Variants in NHS observed in about 807,000 individuals in gnomAD.
The protein encoded by NHS is actin remodeling regulator NHS.
In NHS, 5 loss-of-function variants were observed where a neutral mutation model predicts 72.5. The observed-to-expected ratio is 0.07, with a 90% CI of 0.04 to 0.14. NHS has a LOEUF of 0.14. NHS is among the 10% of genes least tolerant of loss of function. NHS has a pLI of 1.00. For missense variants in NHS, 1,072 were observed against 1,355.7 expected (o/e 0.79, Z 3.29); for synonymous variants, 464 against 547.7 (o/e 0.85, Z 2.13).
At chrX:17,607,816 A>G (rs2065688760) in intron 1 of NHS, among the ~76,000 whole-genome samples, 2 of 110,423 alleles carry the variant, frequency 1.8e-5, no homozygotes, top group Non-Finnish European at 3.8e-5. Flanking sequence ...TGGCTTCTCT[A>G]GTCGACAGTG....
chrX:17,468,532 A>G lies in NHS; in HGVS notation c.565+92210A>G, dbSNP rs188231360. Reference sequence around the variant, plus strand: ...TCAGCCTCACCAAAAATTCTTTTTCATTTTTTTAAATGTTTATTTATTTAC... The same window carrying G: ...TCAGCCTCACCAAAAATTCTTTTTCGTTTTTTTAAATGTTTATTTATTTAC... On this transcript the variant is annotated intron_variant, in intron 1 of 8. Coordinates refer to ENST00000676302, the MANE Select transcript of NHS (RefSeq NM_001291867.2). Among the ~76,000 whole-genome samples the G allele has an allele frequency of 4.6e-5, 5 of 108,892 alleles. No homozygotes were observed. The East Asian group carries it at 1.4e-3, about 32-fold the overall frequency. The allele number at this position is 108,892 out of a possible 115,157, so 94.6% of individuals were successfully genotyped here. A position where few individuals can be genotyped will look rare whatever the true frequency, so the allele number is the denominator to read the frequency against.
intron 1 of NHS, among the ~76,000 whole-genome samples, chrX:17,412,845 A>T (rs1017105714): frequency 8.9e-6 from 1 of 112,322 alleles, no homozygotes; most frequent in Non-Finnish European, 1.9e-5. Context: ...CCAGAGGGTA[A>T]ATATCTTGAG....
At chrX:17,637,189 C>T (rs925119965) in intron 1 of NHS, among the ~76,000 whole-genome samples, 1 of 111,858 alleles carries the variant, frequency 8.9e-6, no homozygotes, top group Non-Finnish European at 1.9e-5. Context: ...CAGGAGAGAG[C>T]GTCCAACAGC....
chrX:17,624,955 C>T (rs2065790817), intron 1 of NHS, among the ~76,000 whole-genome samples: 1 of 111,618 alleles, frequency 9.0e-6, no homozygotes, highest in Non-Finnish European at 1.9e-5. Flanking sequence ...TTATTAAGGG[C>T]CCCAGAGGGC....
Position 17,422,454 on chromosome X carries a change from A to G in NHS, c.565+46132A>G, listed in dbSNP as rs1224850131. ...ATCGAAAACCCTCTATATGCTTAGC[A>G]TGTGTCTCTTCTCGATGGTTCTTTT... On this transcript the variant is annotated intron_variant, in intron 1 of 8. Coordinates refer to ENST00000676302, the MANE Select transcript of NHS (RefSeq NM_001291867.2). Among the ~76,000 whole-genome samples the G allele has an allele frequency of 3.6e-5, 4 of 110,951 alleles. No homozygotes were observed. In the South Asian group the frequency reaches 1.2e-3, roughly 33 times the overall value.
intron 1 of NHS, among the ~76,000 whole-genome samples, chrX:17,551,649 G>T (rs1336415762): frequency 8.9e-6 from 1 of 112,102 alleles, no homozygotes; most frequent in Non-Finnish European, 1.9e-5. Flanking sequence ...TGATGAAGCT[G>T]CCGGTCCCAT....
At chrX:17,403,032 G>T (rs985211783) in intron 1 of NHS, among the ~76,000 whole-genome samples, 1 of 111,844 alleles carries the variant, frequency 8.9e-6, no homozygotes, top group Non-Finnish European at 1.9e-5. Context: ...CATCCTCAAT[G>T]GCTCTCCTCC....
chrX:17,572,130 A>T (rs2065482746), intron 1 of NHS, among the ~76,000 whole-genome samples: 1 of 111,676 alleles, frequency 9.0e-6, no homozygotes, highest in African/African-American at 3.3e-5. Flanking sequence ...TGCTGAGAAG[A>T]ATGTGTATTC....
At chrX:17,490,917 C>T (rs2064988158) in intron 1 of NHS, among the ~76,000 whole-genome samples, 1 of 111,617 alleles carries the variant, frequency 9.0e-6, no homozygotes, top group Non-Finnish European at 1.9e-5. Flanking sequence ...CATGATTTGG[C>T]TCTCAGTTTG....
At chrX:17,463,383 T>C (rs775650341) in intron 1 of NHS, among the ~76,000 whole-genome samples, 57 of 109,284 alleles carry the variant, frequency 5.2e-4, no homozygotes, top group Non-Finnish European at 3.4e-4. Context: ...TTTTTTTTTT[T>C]CCCCCGGAGG....
intron 1 of NHS, among the ~76,000 whole-genome samples, chrX:17,660,794 C>A (rs897168924): frequency 9.0e-6 from 1 of 111,686 alleles, no homozygotes; most frequent in African/African-American, 3.3e-5. Context: ...AGTCACAGGC[C>A]CAGCCCAAAC....
intron 1 of NHS, chrX:17,635,555 G>A (rs748957868): frequency 1.5e-5 from 18 of 1,166,084 alleles, no homozygotes; most frequent in East Asian, 3.3e-5. Context: ...GGAGCAGAGC[G>A]GGAATCCAAG....
At chrX:17,728,473 A>G in intron 7 of NHS, 145 bp downstream of exon 7, 2 of 878,129 alleles carry the variant, frequency 2.3e-6, no homozygotes, top group South Asian at 2.2e-5. Context: ...CAATTGAGAT[A>G]AAAGCTTTTG....
intron 3 of NHS, among the ~76,000 whole-genome samples, chrX:17,709,013 T>C (rs1048276582): frequency 2.7e-5 from 3 of 111,024 alleles, no homozygotes; most frequent in African/African-American, 9.8e-5. Context: ...TCTCTAGAGA[T>C]TGCTTTTTGG....
intron 1 of NHS, among the ~76,000 whole-genome samples, chrX:17,451,924 G>A (rs892046803): frequency 2.7e-5 from 3 of 111,742 alleles, no homozygotes; most frequent in African/African-American, 9.7e-5. Flanking sequence ...TACTAAACCC[G>A]CATCCTTAAA....
At chrX:17,711,639 C>T (rs1218362930) in intron 3 of NHS, among the ~76,000 whole-genome samples, 1 of 111,842 alleles carries the variant, frequency 8.9e-6, no homozygotes, top group African/African-American at 3.3e-5. Flanking sequence ...GTGAAAACTG[C>T]ACCATTGTCA....
chrX:17,678,295 A>T (rs749375722), intron 1 of NHS, among the ~76,000 whole-genome samples: 2,116 of 98,752 alleles, frequency 0.021, 26 homozygotes, highest in Middle Eastern at 0.04. Flanking sequence ...TGTGTGTGTG[A>T]GAGAGAGAGA....
intron 1 of NHS, among the ~76,000 whole-genome samples, chrX:17,597,291 A>AT (rs747666810): frequency 3.1e-4 from 33 of 107,896 alleles, no homozygotes; most frequent in Admixed American, 1.5e-3. Flanking sequence ...GGCTAATTTT[A>AT]TTTTTTTGTA....
intron 3 of NHS, among the ~76,000 whole-genome samples, chrX:17,700,713 AT>A (rs921375117): frequency 1.8e-5 from 2 of 111,687 alleles, no homozygotes; most frequent in Non-Finnish European, 3.8e-5. Flanking sequence ...GAAAAAGGTT[AT>A]TTTTTTCAGC....
Sources: allele counts gnomAD v4.1 joint callset (sites outside exome capture counted in the v4.1 genomes callset), GRCh38; gene constraint gnomAD v4.1.1; transcripts MANE v1.5; gene names NCBI Gene and HGNC (gene_info 2026-07-23, HGNC 2026-07-21).